Variants in MELK observed in about 807,000 individuals in gnomAD.
MELK encodes the protein pEg3 kinase.
Under a neutral mutation model 85.0 loss-of-function variants are expected in MELK, and 81 were observed. The ratio of observed to expected loss-of-function variants is 0.95; its 90% CI spans 0.80 to 1.15. The LOEUF is 1.15. MELK is among the 50% of genes most tolerant of loss of function. The probability of loss-of-function intolerance (pLI) is 0.00; values close to 1 mark genes in which losing one functional copy is unlikely to be tolerated. For synonymous variants in MELK, 252 were observed against 265.0 expected, an observed-to-expected ratio of 0.95 and a Z score of 0.48; for missense variants, 754 against 777.5, an observed-to-expected ratio of 0.97 and a Z score of 0.36.
rs546981698 is a variant in MELK, at chr9:36,663,303, A to G, written c.1177-2047A>G. Among the ~76,000 whole-genome samples, 7 of 151,764 alleles carry G rather than the reference A, an allele frequency of 4.6e-5. No individual in the cohort carries two copies. The East Asian group carries it at 1.4e-3, about 29-fold the overall frequency. On this transcript the variant is annotated intron_variant, in intron 13 of 17. Transcript: ENST00000298048. ...ACCATGTTGGCCAGGCTGGTCTTGT[A>G]CTCCTGACCTCAGGTGATCACATGA...
intron 7 of MELK, among the ~76,000 whole-genome samples, chr9:36,604,768 C>G (rs965021267): frequency 2.6e-5 from 4 of 151,804 alleles, no homozygotes; most frequent in Non-Finnish European, 5.9e-5. Flanking sequence ...CTCAGCCTCC[C>G]GAATTGCTGG....
At chr9:36,641,892 CCACCG>C (rs1829793779) in intron 10 of MELK, among the ~76,000 whole-genome samples, 1 of 152,140 alleles carries the variant, frequency 6.6e-6, no homozygotes. Flanking sequence ...CAGGCGTGAG[CCACCG>C]CACCTGGCCT....
intron 8 of MELK, among the ~76,000 whole-genome samples, chr9:36,612,026 C>T: frequency 6.6e-6 from 1 of 152,016 alleles, no homozygotes; most frequent in East Asian, 1.9e-4. Flanking sequence ...GCTCCTCTGC[C>T]TCCCAAAGTG....
intron 11 of MELK, among the ~76,000 whole-genome samples, chr9:36,644,311 T>G (rs1316324430): frequency 6.6e-6 from 1 of 152,050 alleles, no homozygotes; most frequent in African/African-American, 2.4e-5. Context: ...TGTACCTCAC[T>G]TTGTTCCTGG....
At chr9:36,592,172 CTTTTTTTTTTT>C (rs35073009) in intron 4 of MELK, among the ~76,000 whole-genome samples, 1 of 117,292 alleles carries the variant, frequency 8.5e-6, no homozygotes, top group Non-Finnish European at 1.7e-5. Flanking sequence ...CATTTCTTTT[CTTTTTTTTTTT>C]TTTTTTTTTG....
intron 8 of MELK, among the ~76,000 whole-genome samples, chr9:36,625,814 A>G (rs892484341): frequency 1.3e-5 from 2 of 151,962 alleles, no homozygotes; most frequent in Non-Finnish European, 2.9e-5. Context: ...CCAGCTACTC[A>G]GTAGGCTGAG....
intron 13 of MELK, among the ~76,000 whole-genome samples, chr9:36,661,709 G>A (rs1001511474): frequency 4.6e-5 from 7 of 152,234 alleles, no homozygotes; most frequent in African/African-American, 1.7e-4. Flanking sequence ...GGCCAAGGTG[G>A]GTGGATCATG....
rs76638484 is a variant in MELK, at chr9:36,575,194, C to G, written c.-39+2187C>G. ...CCCCCAATTCTTCTATTTATTTAGT[C>G]AAGCCCAGAAGGGCACTCAGGTGTC... is the stretch of plus-strand genomic sequence containing the variant. On this transcript the variant is annotated intron_variant, in intron 1 of 17. Coordinates refer to ENST00000298048, the MANE Select transcript of MELK (RefSeq NM_014791.4). Among the ~76,000 whole-genome samples, 1,285 of 152,262 alleles carry G rather than the reference C, an allele frequency of 8.4e-3. 26 individuals are homozygous for G. The highest frequency in any genetic ancestry group is 0.029 in the African/African-American group (1,195 of 41,554).
At chr9:36,614,415 T>A (rs1826344420) in intron 8 of MELK, among the ~76,000 whole-genome samples, 1 of 128,290 alleles carries the variant, frequency 7.8e-6, no homozygotes, top group Non-Finnish European at 1.6e-5. Context: ...TTTTAAAAAA[T>A]TATTTTTGGG....
chr9:36,592,280 T>C (rs1006712762), intron 4 of MELK, among the ~76,000 whole-genome samples: 3 of 151,136 alleles, frequency 2.0e-5, no homozygotes, highest in Non-Finnish European at 4.4e-5. Flanking sequence ...GTTCAAGTGA[T>C]TTTCCTGCCC....
At chr9:36,618,283 C>A (rs1827052235) in intron 8 of MELK, among the ~76,000 whole-genome samples, 1 of 151,934 alleles carries the variant, frequency 6.6e-6, no homozygotes, top group South Asian at 2.1e-4. Context: ...GTGGTGCATG[C>A]CTGTAATCCC....
At chr9:36,673,949 G>A (rs1452989143) in intron 16 of MELK, among the ~76,000 whole-genome samples, 1 of 151,998 alleles carries the variant, frequency 6.6e-6, no homozygotes, top group Non-Finnish European at 1.5e-5. Flanking sequence ...GAATTACCTT[G>A]TCTATCTTGT....
intron 4 of MELK, among the ~76,000 whole-genome samples, chr9:36,593,655 T>C (rs1823874133): frequency 6.6e-6 from 1 of 152,214 alleles, no homozygotes; most frequent in African/African-American, 2.4e-5. Context: ...GTAAATGATC[T>C]TTAAGGTACG....
intron 4 of MELK, among the ~76,000 whole-genome samples, chr9:36,594,162 G>C (rs767877906): frequency 3.3e-5 from 5 of 152,164 alleles, no homozygotes; most frequent in Admixed American, 6.5e-5. Flanking sequence ...TTTGTGCTCT[G>C]GTACCTGTTC....
chr9:36,639,304 T>A (rs894339244), intron 10 of MELK, among the ~76,000 whole-genome samples: 8 of 152,230 alleles, frequency 5.3e-5, no homozygotes, highest in Non-Finnish European at 7.3e-5. Context: ...AGAGGCATAA[T>A]GAATTGTTGT....
intron 11 of MELK, among the ~76,000 whole-genome samples, chr9:36,648,072 A>T (rs1231058349): frequency 6.6e-6 from 1 of 152,180 alleles, no homozygotes; most frequent in Non-Finnish European, 1.5e-5. Flanking sequence ...TTTGTAGGGC[A>T]GATAGCCCCA....
chr9:36,634,031 G>A (rs1828884241), intron 10 of MELK, among the ~76,000 whole-genome samples: 1 of 152,186 alleles, frequency 6.6e-6, no homozygotes, highest in African/African-American at 2.4e-5. Flanking sequence ...AAAATCCATT[G>A]TTCTGTCCAT....
chr9:36,656,628 T>C (rs980423870), intron 12 of MELK, among the ~76,000 whole-genome samples: 1 of 152,156 alleles, frequency 6.6e-6, no homozygotes, highest in African/African-American at 2.4e-5. Context: ...TTTTCTTTTT[T>C]TTTCTTTCTT....
At chr9:36,654,349 C>CTTTTTTTT (rs34436735) in intron 12 of MELK, among the ~76,000 whole-genome samples, 6 of 84,148 alleles carry the variant, frequency 7.1e-5, no homozygotes, top group Non-Finnish European at 8.6e-5. Context: ...ATTGGATTGT[C>CTTTTTTTT]TTTTTTTTTT....
Sources: gnomAD v4.1 joint callset for allele counts (sites outside exome capture counted in the v4.1 genomes callset) on GRCh38, gnomAD v4.1.1 for gene constraint, MANE v1.5 for transcripts, NCBI Gene and HGNC (gene_info 2026-07-23, HGNC 2026-07-21) for gene names.